Variants in JMJD1C observed in about 807,000 individuals in gnomAD.
JMJD1C encodes jumonji domain containing 1C.
In JMJD1C, 31 loss-of-function variants were observed where a neutral mutation model predicts 245.3. The observed-to-expected ratio is 0.13, with a 90% CI of 0.09 to 0.17. JMJD1C has a LOEUF of 0.17. JMJD1C is among the 10% of genes least tolerant of loss of function. The probability of loss-of-function intolerance (pLI) is 1.00; values close to 1 mark genes in which losing one functional copy is unlikely to be tolerated. For synonymous variants in JMJD1C, 1,057 were observed against 1,017.4 expected, an observed-to-expected ratio of 1.04 and a Z score of -0.74; for missense variants, 2,691 against 3,000.2, an observed-to-expected ratio of 0.90 and a Z score of 2.41.
In JMJD1C at chr10:63,226,714, CA is replaced by C. The variant is rs35375607; in HGVS notation, c.448-6732del. ...TGGGCGACAAAGCACAACCCTGTTT[CA>C]AAAAAAAAAAAAAAAAAAAAGAGAG... On this transcript the variant is annotated intron_variant, in intron 3 of 25. Transcript: ENST00000399262. Among the ~76,000 whole-genome samples the C allele has an allele frequency of 3.6e-3, 307 of 84,930 alleles. 2 individuals carry two copies. Among genetic ancestry groups the C allele is most frequent in the African/African-American group, 0.014 (278 of 20,462 alleles). 55.7% of individuals were successfully genotyped at this position (84,930 alleles called of 152,430 possible).
intron 1 of JMJD1C, among the ~76,000 whole-genome samples, chr10:63,462,306 A>T (rs772571880): frequency 7.2e-5 from 11 of 152,226 alleles, no homozygotes; most frequent in Non-Finnish European, 1.0e-4. Flanking sequence ...TATTACTTAA[A>T]AGATTAGAAA....
intron 1 of JMJD1C, among the ~76,000 whole-genome samples, chr10:63,395,758 T>C (rs960017261): frequency 2.0e-5 from 3 of 152,154 alleles, no homozygotes; most frequent in Non-Finnish European, 2.9e-5. Flanking sequence ...ATGAAATACT[T>C]CTCAGCAATA....
chr10:63,517,516 C>T (rs1387868063), intron 1 of JMJD1C, among the ~76,000 whole-genome samples: 1 of 152,196 alleles, frequency 6.6e-6, no homozygotes, highest in African/African-American at 2.4e-5. Context: ...GCCCTAAATA[C>T]ATTGCCTTCC....
chr10:63,183,757 C>T (rs1235515566), intron 21 of JMJD1C, among the ~76,000 whole-genome samples, 188 bp from the exon 22 acceptor site: 2 of 151,958 alleles, frequency 1.3e-5, no homozygotes, highest in African/African-American at 2.4e-5. Context: ...AATTACATTT[C>T]TATAATAAAA....
At chr10:63,356,965 T>C (rs991145076) in intron 2 of JMJD1C, among the ~76,000 whole-genome samples, 3 of 151,130 alleles carry the variant, frequency 2.0e-5, no homozygotes, top group African/African-American at 7.3e-5. Flanking sequence ...AAGAATAATG[T>C]AAAACACTGA....
At chr10:63,427,953 C>T (rs1950537286) in intron 1 of JMJD1C, 4 of 704,586 alleles carry the variant, frequency 5.7e-6, no homozygotes, top group Non-Finnish European at 1.1e-5. Context: ...GTTTGTGTGG[C>T]CAGCTCATTG....
chr10:63,264,887 A>G (rs1855339166), intron 2 of JMJD1C, 123 bp from the exon 3 acceptor site: 1 of 503,274 alleles, frequency 2.0e-6, no homozygotes, highest in African/African-American at 2.0e-5. Flanking sequence ...GGTACCTAAT[A>G]TTAATTTTCA....
At chr10:63,263,165 C>T (rs926209327) in intron 3 of JMJD1C, among the ~76,000 whole-genome samples, 2 of 152,116 alleles carry the variant, frequency 1.3e-5, no homozygotes, top group African/African-American at 4.8e-5. Flanking sequence ...CCAACACCTC[C>T]ACTATTAAAT....
chr10:63,212,780 AG>A (rs1847516487), intron 8 of JMJD1C, among the ~76,000 whole-genome samples: 1 of 151,898 alleles, frequency 6.6e-6, no homozygotes, highest in Non-Finnish European at 1.5e-5. Flanking sequence ...TAAAAATTTT[AG>A]AAATTTCACT....
chr10:63,466,526 G>A (rs893635978), upstream of JMJD1C: 22 of 152,338 alleles, frequency 1.4e-4, no homozygotes, highest in African/African-American at 4.8e-4. Context: ...CATTTGTGGT[G>A]ATACTAATTA....
chr10:63,322,036 T>C (rs1035668374), intron 2 of JMJD1C, among the ~76,000 whole-genome samples: 2 of 152,228 alleles, frequency 1.3e-5, no homozygotes, highest in Non-Finnish European at 2.9e-5. Context: ...AACCAGTTCA[T>C]TCATTGTAAT....
chr10:63,201,553 T>C (rs988667755), intron 10 of JMJD1C, among the ~76,000 whole-genome samples: 1 of 152,180 alleles, frequency 6.6e-6, no homozygotes, highest in Admixed American at 6.6e-5. Context: ...ATCCGTCATC[T>C]AGAGAGTAAG....
intron 3 of JMJD1C, among the ~76,000 whole-genome samples, chr10:63,234,703 C>T (rs757246497): frequency 6.9e-6 from 1 of 145,732 alleles, no homozygotes; most frequent in African/African-American, 2.8e-5. Flanking sequence ...GAGGCCAAGG[C>T]GGGAGGATCA....
At chr10:63,282,244 A>T (rs1857496005) in intron 2 of JMJD1C, among the ~76,000 whole-genome samples, 1 of 152,220 alleles carries the variant, frequency 6.6e-6, no homozygotes, top group Non-Finnish European at 1.5e-5. Context: ...AAATTTTTCA[A>T]TGGACAAATG....
intron 1 of JMJD1C, among the ~76,000 whole-genome samples, chr10:63,426,589 T>C (rs1348299074): frequency 1.3e-5 from 2 of 152,056 alleles, no homozygotes; most frequent in East Asian, 1.9e-4. Flanking sequence ...GAGAATCACC[T>C]GAACCCAGGA....
At chr10:63,197,143 C>G (rs1410634843) in intron 13 of JMJD1C, among the ~76,000 whole-genome samples, 1 of 151,960 alleles carries the variant, frequency 6.6e-6, no homozygotes, top group East Asian at 1.9e-4. Context: ...AAGGCCTAAC[C>G]TAAATTTGGG....
rs115921350 is a variant in JMJD1C at position 63,386,780 on chromosome 10, G to A, written c.169-6298C>T. Among the ~76,000 whole-genome samples, 1,431 of 152,172 alleles carry A rather than the reference G, an allele frequency of 9.4e-3. 24 individuals carry two copies. Among genetic ancestry groups the A allele is most frequent in the African/African-American group, 0.032 (1,319 of 41,484 alleles). On this transcript the variant is annotated intron_variant, in intron 1 of 25. Transcript: ENST00000399262. ...TGACATCAACTATGCCACGCCTACC[G>A]CCCAGGGCCCAGTAACCTGCCCACT...
chr10:63,322,346 C>T (rs1940972806), intron 2 of JMJD1C, among the ~76,000 whole-genome samples: 1 of 152,126 alleles, frequency 6.6e-6, no homozygotes, highest in South Asian at 2.1e-4. Context: ...CCCCTCTAAA[C>T]TCTTAGTTAA....
intron 3 of JMJD1C, chr10:63,222,829 G>T (rs1326189707): frequency 5.6e-6 from 8 of 1,437,384 alleles, no homozygotes; most frequent in Non-Finnish European, 7.8e-6. Context: ...ATGCACCTTG[G>T]TGTGGAGTCA....
Sources: gnomAD v4.1 joint callset for allele counts (sites outside exome capture counted in the v4.1 genomes callset) on GRCh38, gnomAD v4.1.1 for gene constraint, MANE v1.5 for transcripts, NCBI Gene and HGNC (gene_info 2026-07-23, HGNC 2026-07-21) for gene names.